SCHIP1: variants seen among roughly 807,000 people sequenced by gnomAD.
SCHIP1 encodes the protein schwannomin interacting protein 1, also known as schwannomin-interacting protein 1.
A neutral mutation model predicts 29.7 loss-of-function variants in SCHIP1; 8 were observed. That is an observed-to-expected ratio of 0.27 (90% CI 0.16 to 0.49). SCHIP1 has a LOEUF of 0.49. Ranked by LOEUF, SCHIP1 falls within the 20% of genes least tolerant of loss-of-function variation. SCHIP1 has a pLI of 0.99. For missense variants in SCHIP1, 193 were observed against 294.6 expected, an observed-to-expected ratio of 0.66 and a Z score of 2.52; for synonymous variants, 76 against 94.9, an observed-to-expected ratio of 0.80 and a Z score of 1.16.
chr3:159,672,610 TA>T, the SCHIP1 span, among the ~76,000 whole-genome samples: 1 of 152,312 alleles, frequency 6.6e-6, no homozygotes, highest in African/African-American at 2.4e-5. Flanking sequence ...TCTACTAGCA[TA>T]GACAGAAGCC....
the SCHIP1 span, among the ~76,000 whole-genome samples, chr3:159,359,315 A>G: frequency 6.6e-6 from 1 of 152,152 alleles, no homozygotes; most frequent in Non-Finnish European, 1.5e-5. Context: ...GTGAAAATTA[A>G]TTTTTCATAA....
chr3:159,603,166 C>CA, the SCHIP1 span, among the ~76,000 whole-genome samples: 1 of 152,034 alleles, frequency 6.6e-6, no homozygotes, highest in African/African-American at 2.4e-5. Flanking sequence ...AAGGGTATTA[C>CA]AAAAAAACAC....
the SCHIP1 span, among the ~76,000 whole-genome samples, chr3:159,785,458 C>T: frequency 5.9e-5 from 9 of 152,036 alleles, no homozygotes; most frequent in African/African-American, 2.2e-4. Context: ...CATAACTGAA[C>T]AGTGATTAAA....
At chr3:159,277,332 T>TA in the SCHIP1 span, among the ~76,000 whole-genome samples, 1 of 152,192 alleles carries the variant, frequency 6.6e-6, no homozygotes, top group Non-Finnish European at 1.5e-5. Context: ...ACAGTAGATA[T>TA]AAAAGAATAT....
the SCHIP1 span, among the ~76,000 whole-genome samples, chr3:159,380,764 T>G: frequency 6.6e-6 from 1 of 152,292 alleles, no homozygotes; most frequent in East Asian, 1.9e-4. Context: ...CAAAGAGATT[T>G]AGCAACTTTT....
At chr3:159,747,909 A>T in the SCHIP1 span, among the ~76,000 whole-genome samples, 1 of 152,242 alleles carries the variant, frequency 6.6e-6, no homozygotes, top group Non-Finnish European at 1.5e-5. Context: ...ATAAAAATGG[A>T]CAGATTTGTC....
the SCHIP1 span, among the ~76,000 whole-genome samples, chr3:159,606,022 C>T: frequency 1.4e-4 from 22 of 152,300 alleles, no homozygotes; most frequent in African/African-American, 4.6e-4. Context: ...AGAAAGCACT[C>T]GAACTGTGAC....
chr3:159,701,396 C>T, the SCHIP1 span, among the ~76,000 whole-genome samples: 1 of 152,112 alleles, frequency 6.6e-6, no homozygotes, highest in African/African-American at 2.4e-5. Context: ...ACAGTATATC[C>T]TTTTTAAACC....
the SCHIP1 span, among the ~76,000 whole-genome samples, chr3:159,614,339 A>G: frequency 6.6e-6 from 1 of 152,218 alleles, no homozygotes; most frequent in Non-Finnish European, 1.5e-5. Context: ...CTTTGGCAAA[A>G]TTATACTGTG....
At chr3:159,573,937 C>T in the SCHIP1 span, among the ~76,000 whole-genome samples, 58 of 152,284 alleles carry the variant, frequency 3.8e-4, no homozygotes, top group Non-Finnish European at 6.0e-4. Context: ...ACAAAGTTCT[C>T]GTGCCATGGT....
At chr3:159,642,644 A>T in the SCHIP1 span, among the ~76,000 whole-genome samples, 1 of 152,276 alleles carries the variant, frequency 6.6e-6, no homozygotes, top group Admixed American at 6.5e-5. Context: ...ACTCTAAGGC[A>T]TAGGCAAAAA....
At chr3:159,484,027 A>C in the SCHIP1 span, among the ~76,000 whole-genome samples, 7 of 152,172 alleles carry the variant, frequency 4.6e-5, no homozygotes, top group Non-Finnish European at 8.8e-5. Context: ...GTATTTACAG[A>C]CCACAGTGCA....
At chr3:159,613,594 A>G in the SCHIP1 span, among the ~76,000 whole-genome samples, 2 of 152,220 alleles carry the variant, frequency 1.3e-5, no homozygotes, top group Non-Finnish European at 2.9e-5. Flanking sequence ...GTTGAACTTA[A>G]GATGCATCCT....
chr3:159,741,854 G>A, the SCHIP1 span, among the ~76,000 whole-genome samples: 2 of 152,160 alleles, frequency 1.3e-5, no homozygotes, highest in African/African-American at 4.8e-5. Flanking sequence ...AGAACTTTTG[G>A]GTAGTGGCCA....
chr3:159,815,268 C>T, the SCHIP1 span, among the ~76,000 whole-genome samples: 677 of 152,228 alleles, frequency 4.4e-3, 3 homozygotes, highest in Middle Eastern at 0.017. Context: ...CACTCATGAT[C>T]GATGTGTTTT....
At chr3:159,420,778 A>T in the SCHIP1 span, among the ~76,000 whole-genome samples, 1 of 152,198 alleles carries the variant, frequency 6.6e-6, no homozygotes, top group Non-Finnish European at 1.5e-5. Flanking sequence ...CCAGGAAGCT[A>T]GTCGATTTAT....
the SCHIP1 span, among the ~76,000 whole-genome samples, chr3:159,816,709 C>T: frequency 6.6e-6 from 1 of 152,226 alleles, no homozygotes; most frequent in Admixed American, 6.5e-5. Flanking sequence ...TACATAACTC[C>T]TATATCAGCC....
At position 159,858,495 on chromosome 3, in the gene SCHIP1, C is replaced by T. The variant is rs144210213; in HGVS notation, c.31-7668C>T. On this transcript the variant is annotated intron_variant, in intron 1 of 6. Transcript: ENST00000445224. ...AAATATTCAAGTGTTGTGGACTCTG[C>T]GCAGCGGCATTTCTATCTGCCTGCT... Among the ~76,000 whole-genome samples the T allele has an allele frequency of 5.6e-3, 857 of 152,258 alleles. 5 individuals carry two copies. Among genetic ancestry groups the T allele is most frequent in the Non-Finnish European group, 9.3e-3 (633 of 68,036 alleles).
chr3:159,466,037 AT>A, the SCHIP1 span, among the ~76,000 whole-genome samples: 1 of 152,148 alleles, frequency 6.6e-6, no homozygotes, highest in East Asian at 1.9e-4. Flanking sequence ...CATAGAAAGG[AT>A]TTTTTTGAAA....
Sources: allele counts gnomAD v4.1 joint callset (sites outside exome capture counted in the v4.1 genomes callset), GRCh38; gene constraint gnomAD v4.1.1; transcripts MANE v1.5; gene names NCBI Gene and HGNC (gene_info 2026-07-23, HGNC 2026-07-21).